TSPEAR: variants seen among roughly 807,000 people sequenced by gnomAD.
TSPEAR encodes thrombospondin-type laminin G domain and EAR repeat-containing protein.
Under a neutral mutation model 71.6 loss-of-function variants are expected in TSPEAR, and 69 were observed. The observed-to-expected ratio is 0.96, with a 90% CI of 0.79 to 1.18. The LOEUF is 1.18. TSPEAR is among the 50% of genes most tolerant of loss of function. The pLI, the probability that TSPEAR is intolerant of heterozygous loss-of-function variation, is 0.00. For synonymous variants in TSPEAR, 402 were observed against 387.2 expected, an observed-to-expected ratio of 1.04 and a Z score of -0.45; for missense variants, 971 against 894.9, an observed-to-expected ratio of 1.09 and a Z score of -1.09.
chr21:44,600,117 G>C (rs1489277485), intron 1 of TSPEAR, among the ~76,000 whole-genome samples: 2 of 152,118 alleles, frequency 1.3e-5, no homozygotes, highest in African/African-American at 4.8e-5. Context: ...GAGAGTGTGG[G>C]GAGTCACTTC....
intron 2 of TSPEAR, chr21:44,557,898 T>G (rs990893154): frequency 5.5e-6 from 5 of 914,856 alleles, no homozygotes; most frequent in East Asian, 2.6e-5. Flanking sequence ...GAGAGATGCA[T>G]GCCTGGAGGG....
At chr21:44,600,615 C>T (rs1980737543) in intron 1 of TSPEAR, 1 of 1,610,116 alleles carries the variant, frequency 6.2e-7, no homozygotes, top group African/African-American at 1.3e-5. Flanking sequence ...CCAGTTCAAT[C>T]CCCAGCATGG....
chr21:44,551,418 G>C lies in TSPEAR; in HGVS notation c.303+16367C>G, dbSNP rs2053433611. 4 of 1,613,188 alleles carry C rather than the reference G, an allele frequency of 2.5e-6. No individual in the cohort carries two copies. Among genetic ancestry groups the C allele is most frequent in the Non-Finnish European group, 3.4e-6 (4 of 1,179,856 alleles). On this transcript the variant is annotated intron_variant, in intron 2 of 11. Coordinates refer to ENST00000323084, the MANE Select transcript of TSPEAR (RefSeq NM_144991.3). ...GCAGTCGTCCACCTGCCAGGAGTTGGTGCAGGCGCTGGAGCAGATGGACAT... is the reference window on the plus strand; with the variant it reads ...GCAGTCGTCCACCTGCCAGGAGTTGCTGCAGGCGCTGGAGCAGATGGACAT...
At chr21:44,632,183 C>CAA (rs1281531183) in intron 1 of TSPEAR, among the ~76,000 whole-genome samples, 1 of 151,712 alleles carries the variant, frequency 6.6e-6, no homozygotes, top group Non-Finnish European at 1.5e-5. Context: ...CCATGAGCTT[C>CAA]AAGTAGAATA....
chr21:44,619,317 G>T (rs1982303422), intron 1 of TSPEAR, among the ~76,000 whole-genome samples: 1 of 152,228 alleles, frequency 6.6e-6, no homozygotes, highest in South Asian at 2.1e-4. Context: ...AAAACTGACA[G>T]AAACAAACAA....
chr21:44,561,130 A>G (rs1190317889), intron 2 of TSPEAR, among the ~76,000 whole-genome samples: 1 of 152,226 alleles, frequency 6.6e-6, no homozygotes. Context: ...AAATAGATGC[A>G]ATAAAAAATG....
rs35028190 is a variant in TSPEAR at position 44,525,765 on chromosome 21, G to C, written c.1224C>G (p.His408Gln). The C allele has an allele frequency of 0.061, 98,322 of 1,614,070 alleles. 3,432 individuals are homozygous for C. Among genetic ancestry groups the C allele is most frequent in the Non-Finnish European group, 0.071 (83,211 of 1,179,998 alleles). The change falls in exon 8 of 12, where the codon CAC becomes CAG. Residue 408 changes from histidine to glutamine, a missense_variant. Transcript: ENST00000323084. ...QEFSVIYKWS[H>Q]RKLKFTPYQS... ...GATATGGGGTAAACTTCAGCTTTCT[G>C]TGGCTCCATTTGTAAATGACAGAGA... is the stretch of plus-strand genomic sequence containing the variant.
intron 1 of TSPEAR, among the ~76,000 whole-genome samples, chr21:44,632,705 T>C (rs1411812022): frequency 1.3e-5 from 2 of 151,968 alleles, no homozygotes; most frequent in Non-Finnish European, 2.9e-5. Flanking sequence ...TAGCTGAGTG[T>C]GGTGGTGGGC....
rs1601455442 is a variant in TSPEAR, at chr21:44,591,225, T to G, written c.83-23220A>C. The G allele has an allele frequency of 2.2e-5, 31 of 1,417,180 alleles. No homozygotes were observed. The South Asian group carries it at 4.1e-4, about 19-fold the overall frequency. The allele number at this position is 1,417,180 out of a possible 1,614,324, so 87.8% of individuals were successfully genotyped here. A position where few individuals can be genotyped will look rare whatever the true frequency, so the allele number is the denominator to read the frequency against. ...CTGGGGGAGTAGCTGGGGTCTCTCA[T>G]GCAGCCAGCATCTGGGAAGGACAGG... is the stretch of plus-strand genomic sequence containing the variant. On this transcript the variant is annotated intron_variant, in intron 1 of 11. Transcript: ENST00000323084.
chr21:44,505,884 C>T (rs1455386502), intron 10 of TSPEAR, among the ~76,000 whole-genome samples: 6 of 152,086 alleles, frequency 3.9e-5, no homozygotes, highest in African/African-American at 1.4e-4. Context: ...TACAAAAGTC[C>T]ACTTTTAAGA....
At chr21:44,567,711 C>T (rs1354358543) in intron 2 of TSPEAR, 74 bp downstream of exon 2, 15 of 1,317,558 alleles carry the variant, frequency 1.1e-5, no homozygotes, top group African/African-American at 4.4e-5. Context: ...TCAACCTGTG[C>T]ACGCGTTGGT....
intron 1 of TSPEAR, among the ~76,000 whole-genome samples, chr21:44,592,772 T>G (rs1266483398): frequency 6.6e-6 from 1 of 151,962 alleles, no homozygotes; most frequent in Non-Finnish European, 1.5e-5. Context: ...GAGCCACAGG[T>G]CGCGGCATCG....
At chr21:44,522,217 G>A in intron 8 of TSPEAR, 105 bp from the exon 9 acceptor site, 3 of 1,135,596 alleles carry the variant, frequency 2.6e-6, no homozygotes, top group Middle Eastern at 4.1e-4. Context: ...GAGGACCGAA[G>A]ACCCACGAGG....
chr21:44,601,938 C>T (rs1980962468), intron 1 of TSPEAR: 1 of 770,706 alleles, frequency 1.3e-6, no homozygotes, highest in African/African-American at 1.8e-5. Flanking sequence ...TTACCCAGCC[C>T]TGCTTCCCCA....
At chr21:44,531,333 G>A (rs1032833210) in intron 3 of TSPEAR, among the ~76,000 whole-genome samples, 200 bp from the exon 4 acceptor site, 3 of 152,180 alleles carry the variant, frequency 2.0e-5, no homozygotes, top group South Asian at 2.1e-4. Context: ...GGGTTTCTCC[G>A]AAGGCTCCAG....
At chr21:44,511,868 A>G (rs2052391473) in intron 9 of TSPEAR, among the ~76,000 whole-genome samples, 1 of 152,210 alleles carries the variant, frequency 6.6e-6, no homozygotes, top group East Asian at 1.9e-4. Flanking sequence ...AGCACTGTGT[A>G]GAGAGAGCTT....
chr21:44,598,975 G>C (rs151039230), intron 1 of TSPEAR, among the ~76,000 whole-genome samples: 148 of 152,314 alleles, frequency 9.7e-4, no homozygotes, highest in Admixed American at 4.8e-3. Context: ...GCTCTTTAAA[G>C]ATGTCATTCT....
intron 1 of TSPEAR, among the ~76,000 whole-genome samples, chr21:44,683,060 C>A (rs1399334464): frequency 6.6e-6 from 1 of 152,018 alleles, no homozygotes; most frequent in Non-Finnish European, 1.5e-5. Flanking sequence ...GCCGAGACCC[C>A]CTACAGCCCG....
chr21:44,642,161 A>G lies in TSPEAR; in HGVS notation c.82+69272T>C, dbSNP rs114513516. Among the ~76,000 whole-genome samples the G allele has an allele frequency of 1.4e-3, 212 of 152,350 alleles. No homozygotes were observed. Among genetic ancestry groups the G allele is most frequent in the African/African-American group, 4.7e-3 (196 of 41,586 alleles). On this transcript the variant is annotated intron_variant, in intron 1 of 11. Transcript: ENST00000323084. The surrounding 1 kb of genome is among the most constrained non-coding windows in gnomAD (Gnocchi z 4.1). ...TATAAATTAAATGTACTGTGTCCTA[A>G]AAAATATAAATTACCTACCCTGAGT... is the stretch of plus-strand genomic sequence containing the variant.
Sources: gnomAD v4.1 joint callset for allele counts (sites outside exome capture counted in the v4.1 genomes callset) on GRCh38, gnomAD v4.1.1 for gene constraint, Gnocchi (gnomAD v3.1) non-coding constraint, MANE v1.5 for transcripts, NCBI Gene and HGNC (gene_info 2026-07-23, HGNC 2026-07-21) for gene names.